Variants in CAMK4 observed in about 807,000 individuals in gnomAD.
CAMK4 encodes the protein calcium/calmodulin-dependent protein kinase type IV.
A neutral mutation model predicts 44.9 loss-of-function variants in CAMK4; 22 were observed. That is an observed-to-expected ratio of 0.49 (90% CI 0.35 to 0.70). The LOEUF (loss-of-function observed/expected upper bound fraction) is 0.70. Among genes scored for constraint, CAMK4 ranks in the 30% least tolerant of loss-of-function variants. CAMK4 has a pLI of 0.01. For missense variants in CAMK4, 498 were observed against 586.8 expected (o/e 0.85, Z 1.56); for synonymous variants, 218 against 215.4 (o/e 1.01, Z -0.11).
At chr5:111,309,263 C>G (rs901670337) in intron 1 of CAMK4, among the ~76,000 whole-genome samples, 2 of 152,186 alleles carry the variant, frequency 1.3e-5, no homozygotes, top group Non-Finnish European at 2.9e-5. Context: ...CTTATCAATT[C>G]TGCCTGGGCT....
chr5:111,452,943 G>T (rs1021491158), intron 7 of CAMK4, among the ~76,000 whole-genome samples: 8 of 152,056 alleles, frequency 5.3e-5, no homozygotes, highest in Non-Finnish European at 8.8e-5. Flanking sequence ...CTATTTTGGG[G>T]ATTGAGATGG....
chr5:111,268,552 T>C (rs1052967462), intron 1 of CAMK4, among the ~76,000 whole-genome samples: 46 of 152,222 alleles, frequency 3.0e-4, no homozygotes, highest in African/African-American at 1.1e-3. Context: ...TTGCAGGGAG[T>C]TAATGGGAAA....
At position 111,292,577 on chromosome 5, in the gene CAMK4, A is replaced by C. The variant is rs187337698; in HGVS notation, c.162-51447A>C. On this transcript the variant is annotated intron_variant, in intron 1 of 10. Coordinates refer to ENST00000282356, the MANE Select transcript of CAMK4 (RefSeq NM_001744.6). ...TCTCTGTTTAATAGCATAGTGAGAA[A>C]AATCTAAGTCCTCCCTTAGCCTTTT... Among the ~76,000 whole-genome samples, 289 of 152,248 alleles carry C rather than the reference A, an allele frequency of 1.9e-3. 2 individuals are homozygous for C. Among genetic ancestry groups the C allele is most frequent in the African/African-American group, 6.6e-3 (273 of 41,540 alleles).
intron 4 of CAMK4, among the ~76,000 whole-genome samples, chr5:111,393,678 A>C (rs1327811294): frequency 1.3e-5 from 2 of 152,144 alleles, no homozygotes; most frequent in Non-Finnish European, 2.9e-5. Flanking sequence ...GAATACATGG[A>C]CACAGAGAGG....
At chr5:111,311,519 T>A (rs1660926) in intron 1 of CAMK4, among the ~76,000 whole-genome samples, 55,147 of 152,078 alleles carry the variant, frequency 0.36, 11,147 homozygotes, top group South Asian at 0.52. Flanking sequence ...ATGTAATGGA[T>A]TGAGGCCAGG....
chr5:111,470,970 A>G (rs1285746736), intron 7 of CAMK4, among the ~76,000 whole-genome samples: 1 of 152,246 alleles, frequency 6.6e-6, no homozygotes, highest in African/African-American at 2.4e-5. Context: ...AACCATTGCC[A>G]TGACACTTGC....
At chr5:111,242,259 T>C (rs1749033721) in intron 1 of CAMK4, among the ~76,000 whole-genome samples, 2 of 152,148 alleles carry the variant, frequency 1.3e-5, no homozygotes, top group South Asian at 4.1e-4. Context: ...TGTATAACCC[T>C]GGGCAAGTCA....
At chr5:111,250,394 C>T (rs537482164) in intron 1 of CAMK4, among the ~76,000 whole-genome samples, 25 of 152,280 alleles carry the variant, frequency 1.6e-4, no homozygotes, top group African/African-American at 6.0e-4. Flanking sequence ...TCTTAAAAAT[C>T]AGCTTTGTTT....
intron 1 of CAMK4, among the ~76,000 whole-genome samples, chr5:111,338,923 T>C (rs1749525506): frequency 6.6e-6 from 1 of 151,414 alleles, no homozygotes; most frequent in Non-Finnish European, 1.5e-5. Flanking sequence ...TCTTTTTTGC[T>C]TTGGCTATTC....
intron 5 of CAMK4, among the ~76,000 whole-genome samples, chr5:111,431,698 A>G (rs1310627913): frequency 1.3e-5 from 2 of 152,220 alleles, no homozygotes; most frequent in East Asian, 3.8e-4. Flanking sequence ...AAAATAGGCA[A>G]AAGATTTGAA....
intron 8 of CAMK4, among the ~76,000 whole-genome samples, chr5:111,474,423 G>T (rs1017202721): frequency 9.9e-5 from 15 of 152,154 alleles, no homozygotes; most frequent in African/African-American, 3.4e-4. Context: ...ACATGATGGG[G>T]AGAAGGAGAA....
Position 111,482,560 on chromosome 5 carries a change from G to A in CAMK4, c.829-225G>A, listed in dbSNP as rs771400481. The A allele has an allele frequency of 8.8e-6, 3 of 341,534 alleles. No homozygotes were observed. The highest frequency in any genetic ancestry group is 4.2e-5 in the African/African-American group (2 of 47,302). 21.2% of individuals were successfully genotyped at this position (341,534 alleles called of 1,614,324 possible). On this transcript the variant is annotated intron_variant, in intron 9 of 10. Coordinates refer to ENST00000282356, the MANE Select transcript of CAMK4 (RefSeq NM_001744.6). The surrounding 1 kb of genome is among the most constrained non-coding windows in gnomAD (Gnocchi z 4.9). ...TGTTGGAAAGCCGTCTGCCACTTTG[G>A]GGGTCTCAGGTGGTACATGGCCCTG...
intron 1 of CAMK4, among the ~76,000 whole-genome samples, chr5:111,231,483 TCC>T (rs1748474803): frequency 6.6e-6 from 1 of 152,174 alleles, no homozygotes; most frequent in African/African-American, 2.4e-5. Context: ...GTCAAATGTG[TCC>T]CCTCTCTCCT....
chr5:111,358,814 G>T (rs578043065), intron 2 of CAMK4, among the ~76,000 whole-genome samples: 2 of 152,016 alleles, frequency 1.3e-5, no homozygotes, highest in Non-Finnish European at 2.9e-5. Flanking sequence ...GTGAGAACAT[G>T]CGGTATTTAG....
intron 4 of CAMK4, among the ~76,000 whole-genome samples, chr5:111,385,650 T>G (rs1189308680): frequency 6.6e-6 from 1 of 152,116 alleles, no homozygotes; most frequent in Non-Finnish European, 1.5e-5. Flanking sequence ...CTTGGCTCAC[T>G]GCAAACTCCA....
At chr5:111,305,171 A>AT (rs1411121038) in intron 1 of CAMK4, among the ~76,000 whole-genome samples, 5 of 70,078 alleles carry the variant, frequency 7.1e-5, no homozygotes, top group Non-Finnish European at 1.4e-4. Context: ...ACACCCTAAC[A>AT]TCACAATTAA....
chr5:111,432,647 T>C (rs1753493765), intron 5 of CAMK4, among the ~76,000 whole-genome samples: 1 of 129,560 alleles, frequency 7.7e-6, no homozygotes, highest in Non-Finnish European at 1.6e-5. Context: ...CATATATATA[T>C]GTATATATGT....
intron 4 of CAMK4, among the ~76,000 whole-genome samples, chr5:111,394,057 G>T (rs181639855): frequency 1.3e-5 from 2 of 151,814 alleles, no homozygotes; most frequent in South Asian, 2.1e-4. Flanking sequence ...GAAAATACTC[G>T]TTAAAAAATA....
intron 5 of CAMK4, among the ~76,000 whole-genome samples, chr5:111,401,660 G>T (rs1752233272): frequency 6.6e-6 from 1 of 152,076 alleles, no homozygotes; most frequent in Non-Finnish European, 1.5e-5. Flanking sequence ...TTTTTACATA[G>T]GAAATCAATT....
Sources: gnomAD v4.1 joint callset for allele counts (sites outside exome capture counted in the v4.1 genomes callset) on GRCh38, gnomAD v4.1.1 for gene constraint, Gnocchi (gnomAD v3.1) non-coding constraint, MANE v1.5 for transcripts, NCBI Gene and HGNC (gene_info 2026-07-23, HGNC 2026-07-21) for gene names.